Variants in CCDC141 observed in about 807,000 individuals in gnomAD.
CCDC141 encodes coiled-coil domain containing 141, also known as coiled-coil domain-containing protein 141.
CCDC141 carries 168 observed loss-of-function variants against 181.0 expected under a neutral mutation model. The ratio of observed to expected loss-of-function variants is 0.93; its 90% CI spans 0.82 to 1.05. The LOEUF is 1.05. Among genes scored for constraint, CCDC141 ranks in the 50% least tolerant of loss-of-function variants. The pLI is 0.00. For synonymous variants in CCDC141, 666 were observed against 642.3 expected (o/e 1.04, Z -0.56); for missense variants, 1,902 against 1,788.5 (o/e 1.06, Z -1.14).
chr2:178,855,324 A>T, intron 19 of CCDC141, 23 bp downstream of exon 19: 2 of 1,584,280 alleles, frequency 1.3e-6, no homozygotes, highest in South Asian at 2.4e-5. Context: ...TACAACATGG[A>T]TACCACTGCA....
Position 178,984,941 on chromosome 2 carries a change from G to T in CCDC141, c.226-6266C>A, listed in dbSNP as rs201365671. The stretch of plus-strand genomic sequence containing the variant: ...AAGTCAACAAGGATACCCAGGAATT[G>T]AACTCAGCTCTGCACCAAGCGGACC... On this transcript the variant is annotated intron_variant, in intron 2 of 23. Coordinates refer to ENST00000443758, the MANE Select transcript of CCDC141 (RefSeq NM_173648.4). 6.7e-5 allele frequency among the ~76,000 whole-genome samples: 10 copies of T among 149,696 alleles called. No individual in the cohort carries two copies. In the East Asian group the frequency reaches 1.4e-3, roughly 21 times the overall value.
chr2:178,916,807 T>C (rs986263177), intron 7 of CCDC141, among the ~76,000 whole-genome samples: 1 of 152,184 alleles, frequency 6.6e-6, no homozygotes, highest in Non-Finnish European at 1.5e-5. Flanking sequence ...TAGCATGCCA[T>C]GGCTTTCAAA....
intron 8 of CCDC141, among the ~76,000 whole-genome samples, chr2:178,899,678 T>C (rs766880337): frequency 1.8e-4 from 28 of 152,036 alleles, no homozygotes; most frequent in Non-Finnish European, 4.0e-4. Flanking sequence ...CTGTGTCCCA[T>C]GAGTGTGGCT....
At chr2:178,988,590 C>T (rs1269084819) in intron 2 of CCDC141, among the ~76,000 whole-genome samples, 2 of 152,066 alleles carry the variant, frequency 1.3e-5, no homozygotes, top group Admixed American at 6.5e-5. Flanking sequence ...CTAAAGTAAT[C>T]CACAGATTCA....
chr2:178,821,313 C>T, the CCDC141 span, among the ~76,000 whole-genome samples: 3 of 152,082 alleles, frequency 2.0e-5, no homozygotes, highest in African/African-American at 7.2e-5. Context: ...CCAAAAAGTA[C>T]ACTATTCTGA....
chr2:179,047,269 A>G lies in CCDC141; in HGVS notation c.225+15T>C. The G allele has an allele frequency of 6.6e-7, 1 of 1,505,416 alleles. No homozygotes were observed. The highest frequency in any genetic ancestry group is 8.8e-7 in the Non-Finnish European group (1 of 1,133,626). The allele number at this position is 1,505,416 out of a possible 1,614,324, so 93.3% of individuals were successfully genotyped here. ...CTCTTTAATTTTGTTTCTGCTTCAC[A>G]TCTTAGTATCTTACCTTGAGCTTGG... On this transcript the variant is annotated intron_variant, in intron 2 of 23. Coordinates refer to ENST00000443758, the MANE Select transcript of CCDC141 (RefSeq NM_173648.4).
chr2:179,001,359 C>G (rs1011300601), intron 2 of CCDC141, among the ~76,000 whole-genome samples: 5 of 151,814 alleles, frequency 3.3e-5, no homozygotes, highest in African/African-American at 1.2e-4. Flanking sequence ...GGAGTATCAC[C>G]TAAATGTGCT....
intron 8 of CCDC141, among the ~76,000 whole-genome samples, chr2:178,889,161 T>C (rs1687027174): frequency 6.6e-6 from 1 of 152,138 alleles, no homozygotes; most frequent in East Asian, 1.9e-4. Flanking sequence ...ATTCATTACA[T>C]GAAAACCAAG....
intron 4 of CCDC141, among the ~76,000 whole-genome samples, chr2:178,964,431 G>A (rs1193997205): frequency 6.6e-6 from 1 of 152,022 alleles, no homozygotes; most frequent in Non-Finnish European, 1.5e-5. Context: ...ACCTGTTATG[G>A]TTCCCATGAG....
At chr2:178,901,828 C>G (rs1357100045) in intron 8 of CCDC141, among the ~76,000 whole-genome samples, 1 of 152,108 alleles carries the variant, frequency 6.6e-6, no homozygotes, top group Middle Eastern at 3.2e-3. Context: ...TCCCTGTTTG[C>G]AGACGACATG....
Position 178,885,115 on chromosome 2 carries a change from G to A in CCDC141, c.1528-23C>T, listed in dbSNP as rs1358953733. The A allele has an allele frequency of 6.0e-6, 9 of 1,500,692 alleles. No homozygotes were observed. The South Asian group carries it at 1.1e-4, about 18-fold the overall frequency. 93.0% of individuals were successfully genotyped at this position (1,500,692 alleles called of 1,614,324 possible). A position where few individuals can be genotyped will look rare whatever the true frequency, so the allele number is the denominator to read the frequency against. On this transcript the variant is annotated intron_variant, in intron 10 of 23. Transcript: ENST00000443758. ...CTCCTGTAAAAGCAAAGCACTGGAG[G>A]TCAGAAACTGACAGGGGAATCATGA...
chr2:178,995,786 C>T (rs541320151), intron 2 of CCDC141, among the ~76,000 whole-genome samples: 9 of 152,168 alleles, frequency 5.9e-5, no homozygotes, highest in Admixed American at 4.6e-4. Context: ...AGAGTTTGAC[C>T]AAAAGTGTAT....
chr2:178,839,143 G>C (rs1022722675), intron 22 of CCDC141, among the ~76,000 whole-genome samples: 5 of 152,190 alleles, frequency 3.3e-5, no homozygotes, highest in Non-Finnish European at 7.3e-5. Flanking sequence ...ACTGGGTGCG[G>C]TGGCTCACAC....
chr2:178,907,389 C>T (rs1056722242), intron 7 of CCDC141, among the ~76,000 whole-genome samples: 2 of 152,180 alleles, frequency 1.3e-5, no homozygotes, highest in Non-Finnish European at 2.9e-5. Flanking sequence ...AAATCCTGGG[C>T]TGTGGTGCCA....
intron 22 of CCDC141, among the ~76,000 whole-genome samples, chr2:178,838,643 G>A (rs1684591329): frequency 6.6e-6 from 1 of 152,226 alleles, no homozygotes. Flanking sequence ...ATCAGTCTCT[G>A]CAGTTGAGGA....
intron 2 of CCDC141, among the ~76,000 whole-genome samples, chr2:179,004,265 C>T: frequency 6.6e-6 from 1 of 152,080 alleles, no homozygotes; most frequent in South Asian, 2.1e-4. Flanking sequence ...GGTCATCCCT[C>T]CCTAAAATAA....
chr2:178,866,824 C>G (rs1051271115), intron 16 of CCDC141, among the ~76,000 whole-genome samples: 2 of 152,094 alleles, frequency 1.3e-5, no homozygotes, highest in Admixed American at 1.3e-4. Context: ...CTCCTGGGTT[C>G]AAGCGATTCT....
chr2:178,826,780 A>G (rs2154364863), downstream of CCDC141, among the ~76,000 whole-genome samples: 1 of 152,150 alleles, frequency 6.6e-6, no homozygotes, highest in East Asian at 1.9e-4. Context: ...CTAGAAGTAT[A>G]TCAATTTTAT....
chr2:178,819,883 C>T, the CCDC141 span, among the ~76,000 whole-genome samples: 1 of 152,104 alleles, frequency 6.6e-6, no homozygotes, highest in Admixed American at 6.6e-5. Context: ...ACATTCATCT[C>T]AAAACCTAAG....
Sources: allele counts gnomAD v4.1 joint callset (sites outside exome capture counted in the v4.1 genomes callset), GRCh38; gene constraint gnomAD v4.1.1; transcripts MANE v1.5; gene names NCBI Gene and HGNC (gene_info 2026-07-23, HGNC 2026-07-21).